Variants in DGKB observed in about 807,000 individuals in gnomAD.
DGKB encodes the protein 90 kDa diacylglycerol kinase.
A neutral mutation model predicts 114.3 loss-of-function variants in DGKB; 67 were observed. The ratio of observed to expected loss-of-function variants is 0.59; its 90% confidence interval spans 0.48 to 0.72. The LOEUF is 0.72. Ranked by LOEUF, DGKB falls within the 30% of genes least tolerant of loss-of-function variation. The probability of loss-of-function intolerance (pLI) is 0.00; values close to 1 mark genes in which losing one functional copy is unlikely to be tolerated. For synonymous variants in DGKB, 398 were observed against 323.1 expected (o/e 1.23, Z -2.49); for missense variants, 907 against 975.2 (o/e 0.93, Z 0.93).
chr7:14,789,851 T>A (rs1315163981), intron 2 of DGKB, among the ~76,000 whole-genome samples: 1 of 152,196 alleles, frequency 6.6e-6, no homozygotes, highest in East Asian at 1.9e-4. Context: ...GTTTAGTTTT[T>A]TAAGAAATGG....
chr7:14,380,081 C>G (rs1186378162), intron 21 of DGKB, among the ~76,000 whole-genome samples: 1 of 152,100 alleles, frequency 6.6e-6, no homozygotes, highest in Non-Finnish European at 1.5e-5. Flanking sequence ...AGTTATGTCC[C>G]CATTGAAGTG....
chr7:14,373,233 T>A (rs115079180), intron 21 of DGKB, among the ~76,000 whole-genome samples: 2,001 of 152,314 alleles, frequency 0.013, 47 homozygotes, highest in African/African-American at 0.046. Context: ...TGGATTTAAG[T>A]CATTGTTATT....
At chr7:14,182,780 C>T (rs1002336604) in intron 23 of DGKB, among the ~76,000 whole-genome samples, 2 of 152,088 alleles carry the variant, frequency 1.3e-5, no homozygotes, top group Non-Finnish European at 2.9e-5. Context: ...GACAGTTATG[C>T]CCTGATAATA....
At chr7:14,783,917 G>T (rs1165869902) in intron 2 of DGKB, among the ~76,000 whole-genome samples, 2 of 152,100 alleles carry the variant, frequency 1.3e-5, no homozygotes, top group Non-Finnish European at 2.9e-5. Context: ...GCACAAAAAT[G>T]ATCCCTTGTT....
chr7:14,186,090 A>G (rs1219940252), intron 23 of DGKB, among the ~76,000 whole-genome samples: 2 of 152,240 alleles, frequency 1.3e-5, no homozygotes, highest in Non-Finnish European at 2.9e-5. Context: ...CAACCCACAA[A>G]GTGGGAGATA....
At chr7:14,606,758 C>T (rs115763362) in intron 17 of DGKB, among the ~76,000 whole-genome samples, 541 of 151,954 alleles carry the variant, frequency 3.6e-3, no homozygotes, top group African/African-American at 0.012. Context: ...TGTTTAGGTG[C>T]ATATCAGTAA....
intron 23 of DGKB, among the ~76,000 whole-genome samples, chr7:14,180,411 C>T (rs1782471642): frequency 6.6e-6 from 1 of 151,998 alleles, no homozygotes; most frequent in African/African-American, 2.4e-5. Flanking sequence ...CTTTGTTTTT[C>T]TGCATGCAAA....
At chr7:14,174,938 T>C (rs946235363) in intron 25 of DGKB, among the ~76,000 whole-genome samples, 1 of 152,170 alleles carries the variant, frequency 6.6e-6, no homozygotes, top group Non-Finnish European at 1.5e-5. Context: ...AGATTTAGTG[T>C]TCAGGCAGCT....
intron 17 of DGKB, among the ~76,000 whole-genome samples, chr7:14,591,519 T>A (rs193141574): frequency 1.6e-3 from 249 of 152,200 alleles, no homozygotes; most frequent in African/African-American, 5.7e-3. Context: ...TATTTGGGTT[T>A]AGCAGCCCTC....
chr7:14,467,178 A>G (rs1033830592), intron 21 of DGKB, among the ~76,000 whole-genome samples: 30 of 149,420 alleles, frequency 2.0e-4, no homozygotes, highest in Non-Finnish European at 2.2e-4. Flanking sequence ...ATATTTATTT[A>G]TATAATTATT....
chr7:14,919,524 C>G (rs1418508067), intron 1 of DGKB, among the ~76,000 whole-genome samples: 1 of 152,144 alleles, frequency 6.6e-6, no homozygotes, highest in Admixed American at 6.5e-5. Flanking sequence ...GGACACAAAA[C>G]TATAAATCAT....
chr7:14,699,639 T>C (rs779665856), intron 7 of DGKB, among the ~76,000 whole-genome samples: 1 of 152,158 alleles, frequency 6.6e-6, no homozygotes, highest in South Asian at 2.1e-4. Flanking sequence ...CTCCAGTAGG[T>C]GAACTGCTAC....
rs573450554 is a variant in DGKB, at chr7:14,579,021, T to C, written c.1609+1841A>G. Among the ~76,000 whole-genome samples, 7 of 152,332 alleles carry C rather than the reference T, an allele frequency of 4.6e-5. No homozygotes were observed. The South Asian group carries it at 1.4e-3, about 32-fold the overall frequency. ...TTGAAACACAGGGAGCTATTTCTCCTCCTTCTTATATTTTAGGTCCAGTTT... is the reference window on the plus strand; with the variant it reads ...TTGAAACACAGGGAGCTATTTCTCCCCCTTCTTATATTTTAGGTCCAGTTT... On this transcript the variant is annotated intron_variant, in intron 19 of 25. Coordinates refer to ENST00000402815, the MANE Select transcript of DGKB (RefSeq NM_001350709.2).
chr7:14,751,322 C>T (rs1329450022), intron 4 of DGKB, among the ~76,000 whole-genome samples: 1 of 152,136 alleles, frequency 6.6e-6, no homozygotes, highest in Non-Finnish European at 1.5e-5. Flanking sequence ...AAACATTCTA[C>T]AGTGTGAATT....
rs1563896585 is a variant in DGKB, at chr7:14,682,567, A to C, written c.1021T>G (p.Trp341Gly). 1 of 1,612,646 alleles carries C rather than the reference A, an allele frequency of 6.2e-7. No homozygotes were observed. The highest frequency in any genetic ancestry group is 8.5e-7 in the Non-Finnish European group (1 of 1,178,820). The stretch of plus-strand genomic sequence containing the variant: ...TTTTTACTCACTGTGATCTGACACC[A>C]AACACAATGCAGTCCTGTCAGGCCC... ...YQGLTGLHCV[W>G]CQITLHNKCA... The change falls in exon 12 of 26, where the codon TGG (tryptophan) becomes GGG (glycine). Residue 341 changes from tryptophan to glycine, a missense_variant. Around this residue, in one of 3 missense-constraint regions of DGKB, gnomAD observed 814 missense variants for 856.6 expected, o/e 0.95. Transcript: ENST00000402815.
chr7:14,904,415 T>C (rs1271368358), upstream of DGKB, among the ~76,000 whole-genome samples: 2 of 152,156 alleles, frequency 1.3e-5, no homozygotes, highest in East Asian at 3.9e-4. Flanking sequence ...TAATCAGGGT[T>C]AATCAGGGTT....
intron 13 of DGKB, among the ~76,000 whole-genome samples, chr7:14,646,372 A>G (rs1164809826): frequency 6.6e-6 from 1 of 152,202 alleles, no homozygotes; most frequent in Non-Finnish European, 1.5e-5. Context: ...TCAACATTGG[A>G]GACCATAATA....
chr7:14,829,610 G>A (rs1846141957), intron 2 of DGKB, among the ~76,000 whole-genome samples: 1 of 152,042 alleles, frequency 6.6e-6, no homozygotes, highest in Admixed American at 6.6e-5. Flanking sequence ...TCTCCAAGAT[G>A]GATTCTTTGA....
At chr7:14,331,482 T>C (rs1320969055) in intron 23 of DGKB, among the ~76,000 whole-genome samples, 1 of 152,016 alleles carries the variant, frequency 6.6e-6, no homozygotes, top group Non-Finnish European at 1.5e-5. Flanking sequence ...GCTTTCTAAA[T>C]TACCCTAAAT....
Sources: allele counts gnomAD v4.1 joint callset (sites outside exome capture counted in the v4.1 genomes callset), GRCh38; gene constraint gnomAD v4.1.1; regional missense constraint gnomAD v4.1.1; transcripts MANE v1.5; gene names NCBI Gene and HGNC (gene_info 2026-07-23, HGNC 2026-07-21).